KCNIP4: variants seen among roughly 807,000 people sequenced by gnomAD.
KCNIP4 encodes the protein potassium voltage-gated channel interacting protein 4.
In KCNIP4, 12 loss-of-function variants were observed where a neutral mutation model predicts 34.0. The ratio of observed to expected loss-of-function variants is 0.35; its 90% CI spans 0.23 to 0.57. The LOEUF is 0.57. KCNIP4 is among the 20% of genes least tolerant of loss of function. The pLI is 0.83. For synonymous variants in KCNIP4, 124 were observed against 102.2 expected, an observed-to-expected ratio of 1.21 and a Z score of -1.29; for missense variants, 238 against 311.7, an observed-to-expected ratio of 0.76 and a Z score of 1.78.
At chr4:21,019,350 G>A (rs970733765) in intron 1 of KCNIP4, among the ~76,000 whole-genome samples, 6 of 151,878 alleles carry the variant, frequency 4.0e-5, no homozygotes, top group Non-Finnish European at 7.4e-5. Flanking sequence ...TAAAGACGGG[G>A]TTTCACCACG....
At chr4:21,687,377 C>A (rs188753438) in intron 1 of KCNIP4, among the ~76,000 whole-genome samples, 13 of 150,582 alleles carry the variant, frequency 8.6e-5, no homozygotes, top group Admixed American at 5.9e-4. Flanking sequence ...GGAAAAGATA[C>A]GCAAAGAAAT....
At chr4:21,000,240 T>C (rs1038268415) in intron 1 of KCNIP4, among the ~76,000 whole-genome samples, 5 of 151,976 alleles carry the variant, frequency 3.3e-5, no homozygotes, top group East Asian at 1.9e-4. Flanking sequence ...ACCACCATCC[T>C]CTCCTTCATG....
At chr4:20,962,838 C>T (rs887689593) in intron 1 of KCNIP4, among the ~76,000 whole-genome samples, 1 of 152,156 alleles carries the variant, frequency 6.6e-6, no homozygotes, top group African/African-American at 2.4e-5. Flanking sequence ...TCTCTAAAAG[C>T]CCTAAAGTGT....
chr4:20,917,278 T>C (rs1036856420), intron 1 of KCNIP4, among the ~76,000 whole-genome samples: 1 of 151,782 alleles, frequency 6.6e-6, no homozygotes, highest in Admixed American at 6.6e-5. Context: ...TCCACCTACC[T>C]CGGCCTCCCA....
chr4:20,931,007 G>T (rs908722840), intron 1 of KCNIP4, among the ~76,000 whole-genome samples: 1 of 151,708 alleles, frequency 6.6e-6, no homozygotes, highest in Admixed American at 6.6e-5. Flanking sequence ...TACCTTTTTT[G>T]GGGATTGACC....
chr4:21,211,962 G>T (rs1757251265), intron 1 of KCNIP4, among the ~76,000 whole-genome samples: 1 of 152,030 alleles, frequency 6.6e-6, no homozygotes, highest in Non-Finnish European at 1.5e-5. Flanking sequence ...TCAGGGAGGA[G>T]CCAACCCCCT....
chr4:20,797,870 T>C (rs1373992556), intron 3 of KCNIP4, among the ~76,000 whole-genome samples: 7 of 152,178 alleles, frequency 4.6e-5, no homozygotes, highest in Non-Finnish European at 1.0e-4. Flanking sequence ...AGAACTCAGC[T>C]TTGCCTATAC....
chr4:21,370,717 G>T (rs1335805963), intron 1 of KCNIP4, among the ~76,000 whole-genome samples: 1 of 134,324 alleles, frequency 7.4e-6, no homozygotes, highest in East Asian at 2.2e-4. Flanking sequence ...AAGCTTGCCA[G>T]GTACAGGAGG....
intron 1 of KCNIP4, among the ~76,000 whole-genome samples, chr4:21,699,626 G>A (rs1190620294): frequency 6.6e-6 from 1 of 152,124 alleles, no homozygotes; most frequent in African/African-American, 2.4e-5. Flanking sequence ...ATGCAAATAC[G>A]CCAAGCTGCG....
At chr4:20,754,537 A>G (rs1754176741) in intron 4 of KCNIP4, among the ~76,000 whole-genome samples, 1 of 152,242 alleles carries the variant, frequency 6.6e-6, no homozygotes, top group South Asian at 2.1e-4. Context: ...TTATGTAAGA[A>G]ACAATTTGTA....
intron 2 of KCNIP4, among the ~76,000 whole-genome samples, chr4:20,860,131 T>A (rs201223095): frequency 6.6e-6 from 1 of 152,088 alleles, no homozygotes; most frequent in Non-Finnish European, 1.5e-5. Context: ...ATTTCTTTTT[T>A]TTTTCTTCTC....
chr4:21,102,820 C>A (rs1577693229), intron 1 of KCNIP4, among the ~76,000 whole-genome samples: 1 of 152,208 alleles, frequency 6.6e-6, no homozygotes, highest in South Asian at 2.1e-4. Context: ...TTTAATGATG[C>A]AAAAGTCCCT....
intron 1 of KCNIP4, among the ~76,000 whole-genome samples, chr4:21,166,690 G>A (rs1313208588): frequency 6.6e-6 from 1 of 151,930 alleles, no homozygotes; most frequent in Non-Finnish European, 1.5e-5. Flanking sequence ...TGTAAACCCA[G>A]CACTTTGGGA....
At chr4:21,536,095 G>A (rs1009440220) in intron 1 of KCNIP4, among the ~76,000 whole-genome samples, 3 of 152,094 alleles carry the variant, frequency 2.0e-5, no homozygotes, top group African/African-American at 2.4e-5. Context: ...ACTAGGCAAC[G>A]TAAGAGACAG....
intron 2 of KCNIP4, among the ~76,000 whole-genome samples, chr4:20,874,326 C>T (rs1260457438): frequency 3.9e-5 from 6 of 152,182 alleles, no homozygotes; most frequent in Non-Finnish European, 7.3e-5. Flanking sequence ...AGTTTTGCCT[C>T]TCACAGCATT....
At chr4:21,678,921 C>T (rs1750125703) in intron 1 of KCNIP4, among the ~76,000 whole-genome samples, 1 of 152,096 alleles carries the variant, frequency 6.6e-6, no homozygotes, top group African/African-American at 2.4e-5. Flanking sequence ...AATGAGGCCT[C>T]TAGGATGGGC....
At chr4:21,147,939 CAAAAAA>C (rs377562727) in intron 1 of KCNIP4, among the ~76,000 whole-genome samples, 20 of 31,012 alleles carry the variant, frequency 6.4e-4, no homozygotes, top group African/African-American at 2.2e-3. Flanking sequence ...AACTCCGTCT[CAAAAAA>C]AAAAAAAAAA....
chr4:21,067,079 G>A (rs772712123), intron 1 of KCNIP4, among the ~76,000 whole-genome samples: 2 of 152,100 alleles, frequency 1.3e-5, no homozygotes, highest in East Asian at 1.9e-4. Context: ...GTAGGACAGC[G>A]CACCGGACAG....
chr4:21,039,504 T>C (rs1028169600), intron 1 of KCNIP4, among the ~76,000 whole-genome samples: 14 of 152,178 alleles, frequency 9.2e-5, no homozygotes, highest in African/African-American at 3.4e-4. Context: ...TATAGTACTC[T>C]ATTTATTAAA....
Sources: allele counts gnomAD v4.1 joint callset (sites outside exome capture counted in the v4.1 genomes callset), GRCh38; gene constraint gnomAD v4.1.1; transcripts MANE v1.5; gene names NCBI Gene and HGNC (gene_info 2026-07-23, HGNC 2026-07-21).